The following SYT16 variants were observed in gnomAD, a reference collection of about 807,000 sequenced individuals.
The protein encoded by SYT16 is synaptotagmin-16.
In SYT16, 42 loss-of-function variants were observed where a neutral mutation model predicts 61.4. The ratio of observed to expected loss-of-function variants is 0.68; its 90% confidence interval spans 0.53 to 0.89. SYT16 has a LOEUF of 0.89. Ranked by LOEUF, SYT16 falls within the 40% of genes least tolerant of loss-of-function variation. SYT16 has a pLI of 0.00. For synonymous variants in SYT16, 314 were observed against 302.3 expected (o/e 1.04, Z -0.40); for missense variants, 804 against 807.3 (o/e 1.00, Z 0.05).
chr14:62,015,284 CAA>C (rs72179383), intron 3 of SYT16, among the ~76,000 whole-genome samples: 8 of 148,754 alleles, frequency 5.4e-5, no homozygotes, highest in South Asian at 2.1e-4. Flanking sequence ...GTTTCATTAA[CAA>C]AAAAAAAAAT....
chr14:62,080,364 A>G (rs952787759), intron 5 of SYT16, among the ~76,000 whole-genome samples: 5 of 152,206 alleles, frequency 3.3e-5, no homozygotes, highest in Admixed American at 1.3e-4. Flanking sequence ...ATACTGAAGC[A>G]TCACCTTCCT....
At chr14:62,052,207 A>T (rs2055336059) in intron 3 of SYT16, among the ~76,000 whole-genome samples, 1 of 152,182 alleles carries the variant, frequency 6.6e-6, no homozygotes, top group South Asian at 2.1e-4. Context: ...GCATTAGATT[A>T]ATCCATGAAT....
At chr14:61,903,737 C>T (rs937743654) in intron 1 of SYT16, among the ~76,000 whole-genome samples, 1 of 152,178 alleles carries the variant, frequency 6.6e-6, no homozygotes, top group Non-Finnish European at 1.5e-5. Flanking sequence ...GTTCTGGCAA[C>T]ATATTATTGG....
chr14:62,086,667 A>G (rs2056898804), intron 7 of SYT16, among the ~76,000 whole-genome samples: 1 of 152,250 alleles, frequency 6.6e-6, no homozygotes, highest in African/African-American at 2.4e-5. Flanking sequence ...AAATATCTAC[A>G]TAAATATGCT....
chr14:61,945,772 CGT>C (rs2050402954), intron 1 of SYT16, among the ~76,000 whole-genome samples: 1 of 136,392 alleles, frequency 7.3e-6, no homozygotes, highest in Admixed American at 8.5e-5. Context: ...AGGAGAATGG[CGT>C]GAACCCGGGA....
intron 1 of SYT16, among the ~76,000 whole-genome samples, chr14:61,931,308 T>G (rs1260076067): frequency 2.0e-5 from 3 of 152,244 alleles, no homozygotes; most frequent in Non-Finnish European, 4.4e-5. Context: ...GGTTATATTT[T>G]GCATATACTT....
At chr14:62,034,271 G>A (rs1385646396) in intron 3 of SYT16, among the ~76,000 whole-genome samples, 1 of 152,112 alleles carries the variant, frequency 6.6e-6, no homozygotes, top group South Asian at 2.1e-4. Flanking sequence ...AAATTGTTTA[G>A]CCCCTTTGGA....
intron 4 of SYT16, among the ~76,000 whole-genome samples, chr14:62,071,568 C>A (rs1057434383): frequency 3.3e-5 from 5 of 152,148 alleles, no homozygotes; most frequent in African/African-American, 4.8e-5. Flanking sequence ...ACATGCCAAA[C>A]TTTAGGTTAC....
In SYT16 at chr14:62,021,380, C is replaced by G. The variant is rs151054634; in HGVS notation, c.523+24838C>G. On this transcript the variant is annotated intron_variant, in intron 3 of 7. Transcript: ENST00000683842. ...CTTCTTATTAATCCTTCCTCTTTCT[C>G]AGATGTAGGAGACATCTCATGACCT... is the stretch of plus-strand genomic sequence containing the variant. 2.5e-3 allele frequency among the ~76,000 whole-genome samples: 377 copies of G among 152,216 alleles called. 1 individual carries two copies. The highest frequency in any genetic ancestry group is 3.7e-3 in the Non-Finnish European group (249 of 67,998).
chr14:61,968,614 T>C (rs1436395385), intron 1 of SYT16, among the ~76,000 whole-genome samples: 1 of 152,232 alleles, frequency 6.6e-6, no homozygotes, highest in Non-Finnish European at 1.5e-5. Context: ...TTAAGGACTC[T>C]GTTTGTCAAG....
chr14:61,833,727 T>TTTTTTA (rs2046022418), intron 1 of SYT16, among the ~76,000 whole-genome samples: 2 of 141,612 alleles, frequency 1.4e-5, no homozygotes, highest in African/African-American at 5.3e-5. Context: ...TTTTTTTTTT[T>TTTTTTA]AAATTTAAAT....
At chr14:62,056,177 G>C (rs565588135) in intron 3 of SYT16, among the ~76,000 whole-genome samples, 3 of 152,118 alleles carry the variant, frequency 2.0e-5, no homozygotes, top group Non-Finnish European at 2.9e-5. Flanking sequence ...ACATCACGAC[G>C]TTTGATTATA....
intron 1 of SYT16, among the ~76,000 whole-genome samples, chr14:61,903,023 A>G (rs2048577557): frequency 6.6e-6 from 1 of 152,178 alleles, no homozygotes; most frequent in Admixed American, 6.5e-5. Context: ...TTTACCAACA[A>G]TATTTGGCAT....
At chr14:61,967,110 G>A (rs904198701) in intron 1 of SYT16, among the ~76,000 whole-genome samples, 50 of 152,192 alleles carry the variant, frequency 3.3e-4, no homozygotes, top group African/African-American at 1.1e-3. Context: ...AAGGAAGCAT[G>A]GTATCAGATT....
intron 3 of SYT16, among the ~76,000 whole-genome samples, chr14:62,056,056 C>CTT (rs35847583): frequency 2.7e-4 from 38 of 139,190 alleles, no homozygotes; most frequent in African/African-American, 8.7e-4. Context: ...CTTCTCCCTG[C>CTT]TTTTTTTTTT....
chr14:61,958,798 T>C (rs1182633251), intron 1 of SYT16, among the ~76,000 whole-genome samples: 3 of 152,108 alleles, frequency 2.0e-5, no homozygotes. Flanking sequence ...AGTTCTGCTG[T>C]TTATTGATTT....
chr14:62,062,050 G>C (rs1433193712), intron 3 of SYT16, among the ~76,000 whole-genome samples: 1 of 152,150 alleles, frequency 6.6e-6, no homozygotes, highest in African/African-American at 2.4e-5. Context: ...TTGTTGCCTA[G>C]TATAGTGCTT....
intron 2 of SYT16, among the ~76,000 whole-genome samples, chr14:61,973,397 A>G (rs554869782): frequency 1.9e-4 from 29 of 152,256 alleles, no homozygotes; most frequent in African/African-American, 7.0e-4. Context: ...ATTGCCAAGC[A>G]TTTTACATGC....
At chr14:61,963,404 A>T (rs950297951) in intron 1 of SYT16, among the ~76,000 whole-genome samples, 1 of 152,206 alleles carries the variant, frequency 6.6e-6, no homozygotes, top group African/African-American at 2.4e-5. Flanking sequence ...AAACAGCCTT[A>T]TTGCTGATAT....
Sources: allele counts gnomAD v4.1 joint callset (sites outside exome capture counted in the v4.1 genomes callset), GRCh38; gene constraint gnomAD v4.1.1; transcripts MANE v1.5; gene names NCBI Gene and HGNC (gene_info 2026-07-23, HGNC 2026-07-21).